Variants in MCCC1 observed in about 807,000 individuals in gnomAD.
MCCC1 encodes the protein methylcrotonoyl-CoA carboxylase subunit alpha, mitochondrial.
A neutral mutation model predicts 83.8 loss-of-function variants in MCCC1; 64 were observed. The ratio of observed to expected loss-of-function variants is 0.76; its 90% CI spans 0.62 to 0.94. The LOEUF is 0.94. Among genes scored for constraint, MCCC1 ranks in the 40% least tolerant of loss-of-function variants. MCCC1 has a pLI of 0.00. For synonymous variants in MCCC1, 322 were observed against 315.4 expected (o/e 1.02, Z -0.22); for missense variants, 807 against 904.7 (o/e 0.89, Z 1.39).
rs545029519 is a variant in MCCC1 at position 183,104,818 on chromosome 3, G to A, written c.-101-10213C>T. On this transcript the variant is annotated intron_variant, in intron 1 of 17. Coordinates refer to the MCCC1 transcript ENST00000492597. ...TAGCACACTGTAATTAGTGAGGGGT[G>A]TGGGAATATTATCACACTTTACTGT... Among the ~76,000 whole-genome samples the A allele has an allele frequency of 5.9e-5, 9 of 152,328 alleles. No individual in the cohort carries two copies. In the South Asian group the frequency reaches 1.9e-3, roughly 32 times the overall value.
At chr3:183,091,805 A>G (rs9838514) in intron 3 of MCCC1, among the ~76,000 whole-genome samples, 15,751 of 152,110 alleles carry the variant, frequency 0.1, 1,459 homozygotes, top group African/African-American at 0.24. Flanking sequence ...TTGGGAGGCC[A>G]AGGTGGGCGG....
chr3:183,045,011 G>C (rs773659766), intron 10 of MCCC1, among the ~76,000 whole-genome samples: 13 of 151,764 alleles, frequency 8.6e-5, no homozygotes, highest in Non-Finnish European at 1.8e-4. Flanking sequence ...TTGGGCTTCT[G>C]ATGAACCCAT....
intron 1 of MCCC1, among the ~76,000 whole-genome samples, chr3:183,104,755 C>T (rs1032606223): frequency 1.3e-5 from 2 of 152,110 alleles, no homozygotes; most frequent in African/African-American, 4.8e-5. Flanking sequence ...AATAATACAC[C>T]ATACTTCACC....
chr3:183,023,576 C>A (rs558285708), intron 15 of MCCC1, among the ~76,000 whole-genome samples: 9 of 152,272 alleles, frequency 5.9e-5, no homozygotes, highest in South Asian at 2.1e-4. Context: ...AAACCAGAGG[C>A]ATTAATATGA....
chr3:183,103,637 A>C (rs1380674534), upstream of MCCC1, among the ~76,000 whole-genome samples: 2 of 152,160 alleles, frequency 1.3e-5, no homozygotes, highest in Non-Finnish European at 2.9e-5. Context: ...AGCTAGACGT[A>C]AAGGTTCTCC....
At chr3:183,113,975 C>T (rs1244045933) in intron 1 of MCCC1, among the ~76,000 whole-genome samples, 1 of 152,122 alleles carries the variant, frequency 6.6e-6, no homozygotes, top group Non-Finnish European at 1.5e-5. Context: ...TCCTTATTCA[C>T]CAGGCCTTGT....
chr3:183,099,305 C>T, intron 1 of MCCC1, 47 bp downstream of exon 1: 2 of 1,548,756 alleles, frequency 1.3e-6, no homozygotes, highest in Non-Finnish European at 1.7e-6. Context: ...GGTCCGTGCA[C>T]CCCTCGCTCC....
Position 183,022,555 on chromosome 3 carries a change from C to T in MCCC1, c.1732-1G>A. ...GGACTTGGAAAGTTTTATCTTCAAT[C>T]TGAAAAAAATGAAAAATAAGATTTT... On this transcript the variant is annotated splice_acceptor_variant, in intron 15 of 18. Coordinates refer to ENST00000265594, the MANE Select transcript of MCCC1 (RefSeq NM_020166.5). LOFTEE classifies it high-confidence loss of function. The T allele has an allele frequency of 6.2e-7, 1 of 1,608,934 alleles. No individual in the cohort carries two copies.
chr3:183,041,865 A>G, intron 10 of MCCC1, 115 bp from the exon 11 acceptor site: 1 of 1,183,128 alleles, frequency 8.5e-7, no homozygotes, highest in Non-Finnish European at 1.2e-6. Context: ...TTTGCAATGC[A>G]GCCAAATAAA....
chr3:183,044,286 T>G (rs983194271), intron 10 of MCCC1, among the ~76,000 whole-genome samples: 1 of 152,186 alleles, frequency 6.6e-6, no homozygotes, highest in African/African-American at 2.4e-5. Flanking sequence ...ATTGTTCTTA[T>G]GAGAACAAAA....
upstream of MCCC1, among the ~76,000 whole-genome samples, chr3:183,103,074 G>A (rs1345626517): frequency 3.9e-5 from 6 of 151,946 alleles, no homozygotes; most frequent in Non-Finnish European, 7.4e-5. Context: ...TTAAGGTGGC[G>A]CGTCTGGAGT....
At position 183,110,015 on chromosome 3, in the gene MCCC1, A is replaced by T. The variant is rs540196115; in HGVS notation, c.-102+5459T>A. ...TCTCTAATGATTAGTGATATTGAGA[A>T]TTTTTTTCATATATTTGTTGGCTGC... On this transcript the variant is annotated intron_variant, in intron 1 of 17. Coordinates refer to the MCCC1 transcript ENST00000492597. Among the ~76,000 whole-genome samples the T allele has an allele frequency of 2.0e-5, 3 of 152,138 alleles. No individual in the cohort carries two copies. In the South Asian group the frequency reaches 6.3e-4, roughly 32 times the overall value.
rs1716760195 is a variant in MCCC1 at position 183,072,360 on chromosome 3, T to A, written c.491+6A>T. On this transcript the variant is annotated splice_donor_region_variant and intron_variant, in intron 5 of 18. Coordinates refer to ENST00000265594, the MANE Select transcript of MCCC1 (RefSeq NM_020166.5). ...CAGTTATATTTTAAAAGATATAAAC[T>A]CATACCTCTTTATACCCATGTCTCT... The A allele has an allele frequency of 1.9e-6, 3 of 1,613,392 alleles. No individual in the cohort carries two copies. The Admixed American group carries it at 5.0e-5, about 27-fold the overall frequency.
At chr3:183,100,615 C>T (rs538905216), upstream of MCCC1, among the ~76,000 whole-genome samples, 3 of 152,358 alleles carry the variant, frequency 2.0e-5, no homozygotes, top group East Asian at 3.9e-4. Context: ...CACGCACACA[C>T]ACACGACAGA....
chr3:183,070,939 A>G, intron 7 of MCCC1, 60 bp downstream of exon 7: 1 of 1,523,360 alleles, frequency 6.6e-7, no homozygotes, highest in Non-Finnish European at 8.9e-7. Flanking sequence ...TAGAATGTGC[A>G]TGCATTATTT....
intron 1 of MCCC1, among the ~76,000 whole-genome samples, chr3:183,108,436 T>C (rs983572093): frequency 6.6e-6 from 1 of 152,232 alleles, no homozygotes; most frequent in African/African-American, 2.4e-5. Context: ...CTTGATTAAA[T>C]TGGTGTCTGC....
chr3:183,056,859 T>C (rs995388811), intron 8 of MCCC1, among the ~76,000 whole-genome samples: 6 of 152,166 alleles, frequency 3.9e-5, no homozygotes, highest in Admixed American at 3.9e-4. Context: ...CAAGCCCGGC[T>C]AATTTTGTAT....
Position 183,064,456 on chromosome 3 carries a change from G to A in MCCC1, c.761+6543C>T, listed in dbSNP as rs2108515579. ...CCCTCGCTCCAGGAGACGCTTGGTG[G>A]GCACCCAGGAAGCTCCGTAAAGGCT... On this transcript the variant is annotated intron_variant, in intron 7 of 18. Coordinates refer to ENST00000265594, the MANE Select transcript of MCCC1 (RefSeq NM_020166.5). This position sits in a 1 kb window ranked among gnomAD's most constrained non-coding sequence, Gnocchi z 4.5. Among the ~76,000 whole-genome samples, 1 of 152,278 alleles carries A rather than the reference G, an allele frequency of 6.6e-6. No homozygotes were observed. The highest frequency in any genetic ancestry group is 1.9e-4 in the East Asian group (1 of 5,156).
At chr3:183,084,019 C>T (rs764208944) in intron 4 of MCCC1, among the ~76,000 whole-genome samples, 1 of 152,168 alleles carries the variant, frequency 6.6e-6, no homozygotes, top group Non-Finnish European at 1.5e-5. Context: ...GATAAAAATG[C>T]AAATTTTGCA....
Sources: allele counts gnomAD v4.1 joint callset (sites outside exome capture counted in the v4.1 genomes callset), GRCh38; gene constraint gnomAD v4.1.1; non-coding constraint Gnocchi (gnomAD v3.1); transcripts MANE v1.5; gene names NCBI Gene and HGNC (gene_info 2026-07-23, HGNC 2026-07-21).